PCSK5: variants seen among roughly 807,000 people sequenced by gnomAD.
PCSK5 encodes proprotein convertase subtilisin/kexin type 5.
Under a neutral mutation model 233.2 loss-of-function variants are expected in PCSK5, and 129 were observed. That is an observed-to-expected ratio of 0.55 (90% CI 0.48 to 0.64). The LOEUF (loss-of-function observed/expected upper bound fraction) is 0.64. Among genes scored for constraint, PCSK5 ranks in the 30% least tolerant of loss-of-function variants. PCSK5 has a pLI of 0.00. For missense variants in PCSK5, 2,076 were observed against 2,430.1 expected (o/e 0.85, Z 3.06); for synonymous variants, 825 against 879.2 (o/e 0.94, Z 1.09).
chr9:76,260,460 A>G (rs1827133514), intron 24 of PCSK5, among the ~76,000 whole-genome samples: 1 of 152,222 alleles, frequency 6.6e-6, no homozygotes, highest in Admixed American at 6.5e-5. Flanking sequence ...TGCAGTCAGA[A>G]AGACAGACGA....
At chr9:75,928,596 C>CATAT (rs61537466) in intron 1 of PCSK5, among the ~76,000 whole-genome samples, 6,215 of 66,948 alleles carry the variant, frequency 0.093, 528 homozygotes, top group Middle Eastern at 0.11. Flanking sequence ...CATATAAATA[C>CATAT]ATATATATAT....
At chr9:75,953,645 TC>T (rs1824965540) in intron 2 of PCSK5, among the ~76,000 whole-genome samples, 1 of 143,364 alleles carries the variant, frequency 7.0e-6, no homozygotes, top group African/African-American at 2.5e-5. Flanking sequence ...TGTGTGTGTG[TC>T]TGTGTGTGTG....
intron 2 of PCSK5, among the ~76,000 whole-genome samples, chr9:75,964,748 A>G (rs182667125): frequency 6.6e-6 from 1 of 152,236 alleles, no homozygotes; most frequent in Non-Finnish European, 1.5e-5. Flanking sequence ...TTTCAACTTC[A>G]TGTATTAATT....
intron 7 of PCSK5, among the ~76,000 whole-genome samples, chr9:76,076,357 C>T (rs930595772): frequency 6.6e-6 from 1 of 152,146 alleles, no homozygotes; most frequent in Non-Finnish European, 1.5e-5. Flanking sequence ...AAAGACTAAA[C>T]AGAATTGTGG....
chr9:75,925,864 C>A (rs1244924176), intron 1 of PCSK5, among the ~76,000 whole-genome samples: 1 of 152,198 alleles, frequency 6.6e-6, no homozygotes, highest in African/African-American at 2.4e-5. Flanking sequence ...GCTAAGGAAG[C>A]ATCACACTTA....
intron 35 of PCSK5, among the ~76,000 whole-genome samples, chr9:76,345,306 C>T (rs1377085201): frequency 6.6e-6 from 1 of 151,934 alleles, no homozygotes; most frequent in Admixed American, 6.5e-5. Flanking sequence ...AATCTTGGCT[C>T]ACCGCAGTTT....
rs187896268 is a variant in PCSK5, at chr9:76,084,130, A to G, written c.895-11760A>G. On this transcript the variant is annotated intron_variant, in intron 7 of 37. Transcript: ENST00000674117. ...CATCCTGGTGGAATTCTGTGTATTT[A>G]GAACATTAACAAAGCTAAGACTTGG... is the stretch of plus-strand genomic sequence containing the variant. Among the ~76,000 whole-genome samples the G allele has an allele frequency of 7.3e-3, 1,115 of 152,344 alleles. 10 individuals are homozygous for G. Among genetic ancestry groups the G allele is most frequent in the Non-Finnish European group, 0.01 (713 of 68,020 alleles).
intron 2 of PCSK5, among the ~76,000 whole-genome samples, chr9:75,985,122 G>A (rs2131390983): frequency 1.3e-5 from 2 of 152,246 alleles, no homozygotes; most frequent in South Asian, 4.1e-4. Context: ...TCAAACAAAG[G>A]AGCATTTAGG....
intron 28 of PCSK5, among the ~76,000 whole-genome samples, chr9:76,307,625 T>G (rs1057464491): frequency 1.2e-3 from 182 of 152,208 alleles, no homozygotes; most frequent in African/African-American, 4.1e-3. Flanking sequence ...TTTCCTTGGT[T>G]AATGGTATAT....
intron 3 of PCSK5, among the ~76,000 whole-genome samples, chr9:76,008,204 C>T (rs116311511): frequency 0.016 from 2,367 of 152,122 alleles, 55 homozygotes; most frequent in African/African-American, 0.047. Context: ...ATCTCAAGAG[C>T]GGGTTCTGCT....
intron 3 of PCSK5, among the ~76,000 whole-genome samples, chr9:75,994,738 A>G (rs915402598): frequency 5.3e-5 from 8 of 151,946 alleles, no homozygotes; most frequent in Non-Finnish European, 7.4e-5. Flanking sequence ...CCCAGTTTTT[A>G]CTTCTGCACT....
At chr9:76,040,381 C>CTCTCTCTCTCTG (rs1829060241) in intron 5 of PCSK5, among the ~76,000 whole-genome samples, 1 of 59,532 alleles carries the variant, frequency 1.7e-5, no homozygotes. Flanking sequence ...CTCTCTCTCT[C>CTCTCTCTCTCTG]TCTGTCTCTC....
chr9:76,227,499 C>G lies in PCSK5; in HGVS notation c.2627-4C>G. ...GAAATAAACAACTAGATTTTGTTCC[C>G]CAGGAGAATATGTTGATGAGCATGG... On this transcript the variant is annotated splice_polypyrimidine_tract_variant and splice_region_variant and intron_variant, in intron 20 of 37. Coordinates refer to ENST00000674117, the MANE Select transcript of PCSK5 (RefSeq NM_001372043.1). 2 of 1,603,458 alleles carry G rather than the reference C, an allele frequency of 1.2e-6. No individual in the cohort carries two copies. The highest frequency in any genetic ancestry group is 1.7e-6 in the Non-Finnish European group (2 of 1,172,670).
At chr9:76,100,032 G>A (rs1195398805) in intron 8 of PCSK5, among the ~76,000 whole-genome samples, 1 of 152,104 alleles carries the variant, frequency 6.6e-6, no homozygotes, top group Non-Finnish European at 1.5e-5. Flanking sequence ...TTCATGATAC[G>A]CAAACAGGAA....
At chr9:76,189,490 A>T in intron 19 of PCSK5, 141 bp from the exon 20 acceptor site, 2 of 657,804 alleles carry the variant, frequency 3.0e-6, no homozygotes, top group Middle Eastern at 2.5e-4. Context: ...GTGTCACCTA[A>T]CCTAGCAATT....
At chr9:75,932,551 C>T (rs1823859463) in intron 2 of PCSK5, 68 bp downstream of exon 2, 7 of 911,352 alleles carry the variant, frequency 7.7e-6, no homozygotes, top group African/African-American at 1.6e-5. Context: ...TAATAACACA[C>T]TAGGGGCTGA....
chr9:75,903,393 A>C (rs574432608), intron 1 of PCSK5, among the ~76,000 whole-genome samples: 3 of 151,744 alleles, frequency 2.0e-5, no homozygotes, highest in African/African-American at 7.2e-5. Context: ...ACATTATCTG[A>C]GAGGTTAATT....
intron 10 of PCSK5, among the ~76,000 whole-genome samples, chr9:76,149,761 A>G (rs1823587689): frequency 6.6e-6 from 1 of 152,214 alleles, no homozygotes; most frequent in African/African-American, 2.4e-5. Context: ...GGTCTCCCCA[A>G]GCTGGTATAG....
intron 7 of PCSK5, among the ~76,000 whole-genome samples, chr9:76,074,988 G>A (rs1300161175): frequency 6.6e-6 from 1 of 152,136 alleles, no homozygotes; most frequent in African/African-American, 2.4e-5. Context: ...GGGAGGCCAA[G>A]GAGGGCGGAT....
Sources: gnomAD v4.1 joint callset for allele counts (sites outside exome capture counted in the v4.1 genomes callset) on GRCh38, gnomAD v4.1.1 for gene constraint, MANE v1.5 for transcripts, NCBI Gene and HGNC (gene_info 2026-07-23, HGNC 2026-07-21) for gene names.